The following TENM2 variants were observed in gnomAD, a reference collection of about 807,000 sequenced individuals.
TENM2 encodes teneurin-2.
TENM2 carries 52 observed loss-of-function variants against 245.2 expected under a neutral mutation model. The observed-to-expected ratio is 0.21, with a 90% confidence interval of 0.17 to 0.27. The LOEUF is 0.27. TENM2 is among the 10% of genes least tolerant of loss of function. The probability of loss-of-function intolerance (pLI) is 1.00; values close to 1 mark genes in which losing one functional copy is unlikely to be tolerated. For synonymous variants in TENM2, 1,363 were observed against 1,438.9 expected (o/e 0.95, Z 1.19); for missense variants, 3,046 against 3,666.8 (o/e 0.83, Z 4.37).
chr5:167,211,320 TA>T, the TENM2 span, among the ~76,000 whole-genome samples: 1 of 152,216 alleles, frequency 6.6e-6, no homozygotes, highest in Non-Finnish European at 1.5e-5. Context: ...TGATAGTTTG[TA>T]AATTCTACAT....
At chr5:167,771,195 C>T (rs1473646580) in intron 2 of TENM2, among the ~76,000 whole-genome samples, 1 of 152,060 alleles carries the variant, frequency 6.6e-6, no homozygotes. Flanking sequence ...ATTAGCCCAG[C>T]ACTAAAGAAA....
At chr5:168,061,496 T>C (rs1262562770) in intron 6 of TENM2, among the ~76,000 whole-genome samples, 2 of 152,192 alleles carry the variant, frequency 1.3e-5, no homozygotes, top group African/African-American at 2.4e-5. Context: ...GCAACAGAGA[T>C]GCATTAATAT....
At chr5:167,776,641 CTA>C (rs10522774) in intron 2 of TENM2, among the ~76,000 whole-genome samples, 1,554 of 116,168 alleles carry the variant, frequency 0.013, 62 homozygotes, top group African/African-American at 0.048. Context: ...ATATATGTAT[CTA>C]TATATATATA....
intron 2 of TENM2, among the ~76,000 whole-genome samples, chr5:167,442,094 C>T (rs1026466117): frequency 6.6e-6 from 1 of 152,154 alleles, no homozygotes; most frequent in Admixed American, 6.5e-5. Context: ...ATTTTCTCCA[C>T]CATGAAATCT....
At chr5:167,206,866 AT>A in the TENM2 span, among the ~76,000 whole-genome samples, 1 of 152,180 alleles carries the variant, frequency 6.6e-6, no homozygotes, top group Non-Finnish European at 1.5e-5. Flanking sequence ...TGAGATAATA[AT>A]TGCCATATCA....
chr5:167,195,859 A>T, the TENM2 span, among the ~76,000 whole-genome samples: 3 of 151,966 alleles, frequency 2.0e-5, no homozygotes, highest in Non-Finnish European at 4.4e-5. Context: ...TGATCTACAC[A>T]CCTGTATTTG....
the TENM2 span, among the ~76,000 whole-genome samples, chr5:167,145,347 C>A: frequency 6.6e-6 from 1 of 152,120 alleles, no homozygotes; most frequent in Non-Finnish European, 1.5e-5. Context: ...AAGTTATTAA[C>A]CCTCTCAGTT....
At chr5:167,554,113 C>A (rs962304107) in intron 2 of TENM2, among the ~76,000 whole-genome samples, 3 of 152,238 alleles carry the variant, frequency 2.0e-5, no homozygotes, top group African/African-American at 7.2e-5. Context: ...ATTCCCACCA[C>A]AGCAATATCC....
chr5:167,400,457 G>A (rs114900871), intron 2 of TENM2, among the ~76,000 whole-genome samples: 2,485 of 152,238 alleles, frequency 0.016, 31 homozygotes, highest in Non-Finnish European at 0.025. Context: ...TGGGAAACAG[G>A]AAGTTTGGTT....
At chr5:167,696,780 C>T (rs1757795769) in intron 2 of TENM2, among the ~76,000 whole-genome samples, 1 of 152,188 alleles carries the variant, frequency 6.6e-6, no homozygotes, top group Non-Finnish European at 1.5e-5. Flanking sequence ...CTACAGCCTC[C>T]TGAGGATCTC....
At chr5:167,371,386 G>A (rs1320175328) in intron 1 of TENM2, among the ~76,000 whole-genome samples, 2 of 126,080 alleles carry the variant, frequency 1.6e-5, no homozygotes, top group East Asian at 2.3e-4. Context: ...ACGGAGTTTC[G>A]CTCTTGTTGC....
At chr5:167,576,200 G>C (rs1338768888) in intron 2 of TENM2, among the ~76,000 whole-genome samples, 3 of 152,122 alleles carry the variant, frequency 2.0e-5, no homozygotes, top group Admixed American at 6.5e-5. Flanking sequence ...ATTGTAAACT[G>C]GATTGTAGTT....
intron 2 of TENM2, among the ~76,000 whole-genome samples, chr5:167,854,775 C>G (rs898213941): frequency 2.0e-5 from 3 of 152,106 alleles, no homozygotes; most frequent in African/African-American, 7.2e-5. Context: ...ATTCATGAAC[C>G]ATTTTGGGTT....
intron 3 of TENM2, among the ~76,000 whole-genome samples, chr5:167,933,313 T>A (rs1204873879): frequency 6.6e-6 from 1 of 152,116 alleles, no homozygotes; most frequent in Non-Finnish European, 1.5e-5. Flanking sequence ...ACTTCAGAGA[T>A]GAACAGCAAA....
chr5:167,204,476 C>T, the TENM2 span, among the ~76,000 whole-genome samples: 9 of 152,090 alleles, frequency 5.9e-5, no homozygotes, highest in East Asian at 3.9e-4. Context: ...GGAGCAGGTA[C>T]GAGAAAATTC....
At chr5:167,582,450 C>T (rs1582450740) in intron 2 of TENM2, among the ~76,000 whole-genome samples, 2 of 152,112 alleles carry the variant, frequency 1.3e-5, no homozygotes, top group Middle Eastern at 3.4e-3. Context: ...CATATAGTCT[C>T]TAGAGGTCAG....
intron 3 of TENM2, among the ~76,000 whole-genome samples, chr5:167,913,087 T>C (rs1776673602): frequency 6.6e-6 from 1 of 152,106 alleles, no homozygotes; most frequent in South Asian, 2.1e-4. Flanking sequence ...TGCAGCAACC[T>C]CAGCGAGATA....
the TENM2 span, among the ~76,000 whole-genome samples, chr5:167,222,329 G>A: frequency 1.7e-3 from 255 of 152,196 alleles, 1 homozygote; most frequent in African/African-American, 6.0e-3. Context: ...TATCCAAAAC[G>A]CAATGGTCAG....
chr5:167,087,421 T>G, the TENM2 span, among the ~76,000 whole-genome samples: 1 of 152,302 alleles, frequency 6.6e-6, no homozygotes, highest in South Asian at 2.1e-4. Flanking sequence ...TCTTTCTGGT[T>G]ACTCTTAAAT....
Sources: allele counts gnomAD v4.1 joint callset (sites outside exome capture counted in the v4.1 genomes callset), GRCh38; gene constraint gnomAD v4.1.1; transcripts MANE v1.5; gene names NCBI Gene and HGNC (gene_info 2026-07-23, HGNC 2026-07-21).